Variants in FBXO4 observed in about 807,000 individuals in gnomAD.
The protein encoded by FBXO4 is F-box protein 4, also known as F-box only protein 4.
A neutral mutation model predicts 43.7 loss-of-function variants in FBXO4; 36 were observed. That is an observed-to-expected ratio of 0.82 (90% CI 0.63 to 1.09). The LOEUF is 1.09. Ranked by LOEUF, FBXO4 falls within the 50% of genes least tolerant of loss-of-function variation. FBXO4 has a pLI of 0.00. For missense variants in FBXO4, 435 were observed against 474.1 expected, an observed-to-expected ratio of 0.92 and a Z score of 0.77; for synonymous variants, 180 against 165.6, an observed-to-expected ratio of 1.09 and a Z score of -0.67.
At chr5:42,012,729 G>A in the FBXO4 span, among the ~76,000 whole-genome samples, 1 of 152,118 alleles carries the variant, frequency 6.6e-6, no homozygotes, top group Non-Finnish European at 1.5e-5. Flanking sequence ...AAGGCAGTAT[G>A]TGCAAGGGTT....
the FBXO4 span, among the ~76,000 whole-genome samples, chr5:41,999,536 CATATATATGTATAT>C: frequency 3.8e-5 from 3 of 79,882 alleles, no homozygotes; most frequent in African/African-American, 2.2e-4. Flanking sequence ...TATATATATA[CATATATATGTATAT>C]ATATATATAT....
At chr5:41,985,248 T>C in the FBXO4 span, among the ~76,000 whole-genome samples, 783 of 152,312 alleles carry the variant, frequency 5.1e-3, 8 homozygotes, top group African/African-American at 0.018. Flanking sequence ...ATTCCCTTCA[T>C]ATTCTCATAC....
the FBXO4 span, among the ~76,000 whole-genome samples, chr5:41,976,373 A>G: frequency 6.6e-6 from 1 of 152,226 alleles, no homozygotes; most frequent in Non-Finnish European, 1.5e-5. Flanking sequence ...CTCAAGGCCA[A>G]GTTCCTTCCA....
At chr5:42,010,565 G>T in the FBXO4 span, among the ~76,000 whole-genome samples, 1 of 151,736 alleles carries the variant, frequency 6.6e-6, no homozygotes, top group Non-Finnish European at 1.5e-5. Context: ...TTCACTTTAG[G>T]TATATATCAC....
chr5:42,016,284 T>C, the FBXO4 span, among the ~76,000 whole-genome samples: 9 of 152,044 alleles, frequency 5.9e-5, no homozygotes, highest in Non-Finnish European at 1.3e-4. Flanking sequence ...AACAGAAAAC[T>C]GTTGGGGATG....
chr5:41,957,307 C>G, the FBXO4 span, among the ~76,000 whole-genome samples: 3 of 151,346 alleles, frequency 2.0e-5, no homozygotes, highest in African/African-American at 7.2e-5. Context: ...AGTTTTTTCT[C>G]TTTGTGTTTT....
At chr5:42,001,509 G>C in the FBXO4 span, among the ~76,000 whole-genome samples, 21 of 152,180 alleles carry the variant, frequency 1.4e-4, no homozygotes, top group Admixed American at 1.4e-3. Flanking sequence ...TGGGATTACA[G>C]GTGAGGGCCA....
At chr5:42,020,597 C>T in the FBXO4 span, among the ~76,000 whole-genome samples, 1 of 152,100 alleles carries the variant, frequency 6.6e-6, no homozygotes, top group Admixed American at 6.6e-5. Flanking sequence ...TTATTAATAA[C>T]GCCAGCAAGG....
the FBXO4 span, chr5:41,967,535 T>C: frequency 4.2e-5 from 40 of 954,836 alleles, no homozygotes; most frequent in Non-Finnish European, 6.4e-5. Context: ...GTGACGTTCA[T>C]GCACCCCATC....
chr5:41,959,595 C>T, the FBXO4 span, among the ~76,000 whole-genome samples: 1 of 152,040 alleles, frequency 6.6e-6, no homozygotes, highest in Non-Finnish European at 1.5e-5. Flanking sequence ...CATTTTTCTG[C>T]ATGTGAAAAT....
the FBXO4 span, among the ~76,000 whole-genome samples, chr5:41,952,926 T>A: frequency 6.6e-6 from 1 of 152,092 alleles, no homozygotes; most frequent in Admixed American, 6.5e-5. Context: ...TAATCATTCT[T>A]TCAACTCTAT....
chr5:41,987,868 G>C, the FBXO4 span, among the ~76,000 whole-genome samples: 1 of 152,162 alleles, frequency 6.6e-6, no homozygotes, highest in East Asian at 1.9e-4. Context: ...TACATTACTT[G>C]TCTGTTCTTG....
Position 41,934,286 on chromosome 5 carries a change from T to C in FBXO4, c.876T>C (p.Val292=). 6.2e-7 allele frequency: 1 copy of C among 1,614,174 alleles called. No homozygotes were observed. Residue 292 remains valine, a synonymous_variant, in exon 5 of 7, where the codon GTT becomes GTC. Transcript: ENST00000281623. ...VCEVVDGFIY[V]ANAEAHKRHE... is the part of the protein sequence containing the mutation. ...AAGTTGTAGATGGGTTCATCTATGTTGCAAATGCTGAAGCTCATAAAAGTA... is the reference window on the plus strand; with the variant it reads ...AAGTTGTAGATGGGTTCATCTATGTCGCAAATGCTGAAGCTCATAAAAGTA...
rs1338352794 is a variant in FBXO4, at chr5:41,927,142, C to A, written c.319C>A (p.Leu107Ile). 1.2e-6 allele frequency: 2 copies of A among 1,613,682 alleles called. No homozygotes were observed. The highest frequency in any genetic ancestry group is 2.7e-5 in the African/African-American group (2 of 74,902). The change falls in exon 2 of 7, where the codon CTT (leucine) becomes ATT (isoleucine). Residue 107 changes from leucine (L) to isoleucine (I), a missense_variant. By Grantham distance (5) the Leu-to-Ile change is conservative. Transcript: ENST00000281623. ...GTGGAGATACTTTTTGTTGAGGGAT[C>A]TTCCTTCTTGGTCTTCTGTTGACTG... ...ILWRYFLLRDLPSWSSVDWKS... is the reference protein window; with the variant it reads ...ILWRYFLLRDIPSWSSVDWKS...
At chr5:41,929,461 G>GTTACTAA (rs2112570423) in intron 2 of FBXO4, among the ~76,000 whole-genome samples, 1 of 152,110 alleles carries the variant, frequency 6.6e-6, no homozygotes, top group Non-Finnish European at 1.5e-5. Context: ...ACTTCATGGG[G>GTTACTAA]GAAGAGTTCC....
At chr5:41,989,445 C>A in the FBXO4 span, among the ~76,000 whole-genome samples, 14 of 152,106 alleles carry the variant, frequency 9.2e-5, no homozygotes, top group Admixed American at 9.2e-4. Context: ...ACGATCTTAG[C>A]AAGTTACTGT....
the FBXO4 span, among the ~76,000 whole-genome samples, chr5:41,993,304 A>G: frequency 1.3e-5 from 2 of 152,058 alleles, no homozygotes; most frequent in Admixed American, 1.3e-4. Flanking sequence ...AATTTTTCCC[A>G]GATTTATTGA....
the FBXO4 span, among the ~76,000 whole-genome samples, chr5:42,020,125 C>T: frequency 6.6e-6 from 1 of 152,082 alleles, no homozygotes; most frequent in Admixed American, 6.6e-5. Context: ...TTGATTCTCT[C>T]ATCTCAGATA....
chr5:41,949,366 A>C, the FBXO4 span, among the ~76,000 whole-genome samples: 1 of 152,232 alleles, frequency 6.6e-6, no homozygotes, highest in Non-Finnish European at 1.5e-5. Context: ...CAACTTCAGC[A>C]AAGTCTCAGG....
Sources: gnomAD v4.1 joint callset for allele counts (sites outside exome capture counted in the v4.1 genomes callset) on GRCh38, gnomAD v4.1.1 for gene constraint, MANE v1.5 for transcripts, NCBI Gene and HGNC (gene_info 2026-07-23, HGNC 2026-07-21) for gene names.